The following VAV3 variants were observed in gnomAD, a reference collection of about 807,000 sequenced individuals.
The protein encoded by VAV3 is guanine nucleotide exchange factor VAV3.
A neutral mutation model predicts 131.2 loss-of-function variants in VAV3; 94 were observed. That is an observed-to-expected ratio of 0.72 (90% CI 0.61 to 0.85). The LOEUF (loss-of-function observed/expected upper bound fraction) is 0.85. Among genes scored for constraint, VAV3 ranks in the 40% least tolerant of loss-of-function variants. VAV3 has a pLI of 0.00. For missense variants in VAV3, 939 were observed against 1,002.7 expected, an observed-to-expected ratio of 0.94 and a Z score of 0.86; for synonymous variants, 349 against 342.0, an observed-to-expected ratio of 1.02 and a Z score of -0.22.
At chr1:107,935,821 T>A (rs547315751) in intron 1 of VAV3, among the ~76,000 whole-genome samples, 87 of 152,226 alleles carry the variant, frequency 5.7e-4, no homozygotes, top group African/African-American at 2.1e-3. Flanking sequence ...AAGGGAAAGG[T>A]GTTCCTATTA....
At chr1:107,779,366 TA>T in intron 3 of VAV3, 67 bp downstream of exon 3, 1 of 1,399,454 alleles carries the variant, frequency 7.1e-7, no homozygotes, top group Non-Finnish European at 9.7e-7. Context: ...TCACAAATAG[TA>T]ACCATTTAAT....
intron 1 of VAV3, among the ~76,000 whole-genome samples, chr1:107,937,428 T>C (rs553139075): frequency 5.7e-4 from 87 of 152,336 alleles, no homozygotes; most frequent in African/African-American, 1.9e-3. Flanking sequence ...AATACCAGTA[T>C]GTCATTTCCT....
intron 2 of VAV3, among the ~76,000 whole-genome samples, chr1:107,835,773 T>A (rs1332332267): frequency 6.6e-6 from 1 of 152,190 alleles, no homozygotes; most frequent in African/African-American, 2.4e-5. Flanking sequence ...ATCACTGCTC[T>A]GCCCAAAGAT....
At chr1:107,796,648 A>G (rs1666560583) in intron 2 of VAV3, among the ~76,000 whole-genome samples, 2 of 152,196 alleles carry the variant, frequency 1.3e-5, no homozygotes, top group South Asian at 2.1e-4. Flanking sequence ...ATAAGGATCA[A>G]ATATTTGTAA....
At chr1:107,631,705 C>T (rs904455655) in intron 20 of VAV3, among the ~76,000 whole-genome samples, 1 of 145,170 alleles carries the variant, frequency 6.9e-6, no homozygotes, top group African/African-American at 2.6e-5. Context: ...TCAATTCCCA[C>T]CTATGAGTGA....
At chr1:107,586,372 G>A (rs563112728) in intron 25 of VAV3, among the ~76,000 whole-genome samples, 1 of 152,236 alleles carries the variant, frequency 6.6e-6, no homozygotes, top group South Asian at 2.1e-4. Context: ...ATGAATGTGG[G>A]GAACTATGGA....
chr1:107,789,987 G>C (rs1265480317), intron 2 of VAV3, among the ~76,000 whole-genome samples: 1 of 152,138 alleles, frequency 6.6e-6, no homozygotes, highest in Non-Finnish European at 1.5e-5. Context: ...AAACCCTTCA[G>C]AGCACCCAGA....
chr1:107,675,101 T>G (rs1041035731), intron 19 of VAV3, among the ~76,000 whole-genome samples: 1 of 152,216 alleles, frequency 6.6e-6, no homozygotes, highest in African/African-American at 2.4e-5. Context: ...TAAGAAACCC[T>G]GAAGCACAGA....
At chr1:107,647,646 A>T (rs1217980631) in intron 19 of VAV3, among the ~76,000 whole-genome samples, 2 of 151,950 alleles carry the variant, frequency 1.3e-5, no homozygotes, top group Admixed American at 1.3e-4. Flanking sequence ...AAACATGTAC[A>T]TTATTTTTTC....
intron 1 of VAV3, among the ~76,000 whole-genome samples, chr1:107,884,401 A>G (rs1044532046): frequency 8.7e-6 from 1 of 114,914 alleles, no homozygotes; most frequent in Non-Finnish European, 1.7e-5. Flanking sequence ...TTAAAAATAA[A>G]TTATTTATTA....
chr1:107,840,904 A>G (rs763437602), intron 2 of VAV3, among the ~76,000 whole-genome samples: 3 of 150,474 alleles, frequency 2.0e-5, no homozygotes, highest in African/African-American at 7.3e-5. Flanking sequence ...AGGGATCAAC[A>G]TGTTCAGAGA....
intron 2 of VAV3, among the ~76,000 whole-genome samples, chr1:107,855,380 G>A (rs575872820): frequency 3.0e-4 from 46 of 152,174 alleles, no homozygotes; most frequent in African/African-American, 7.7e-4. Flanking sequence ...GGATTCAAGC[G>A]ATCCTCCCAC....
At chr1:107,639,327 G>A (rs1256538810) in intron 20 of VAV3, among the ~76,000 whole-genome samples, 1 of 151,844 alleles carries the variant, frequency 6.6e-6, no homozygotes, top group East Asian at 1.9e-4. Flanking sequence ...TTAACAAACT[G>A]GACTACATCA....
At chr1:107,612,726 C>A (rs1389326763) in intron 21 of VAV3, among the ~76,000 whole-genome samples, 2 of 152,106 alleles carry the variant, frequency 1.3e-5, no homozygotes, top group African/African-American at 4.8e-5. Flanking sequence ...AAGAACCTGG[C>A]TTTCCTTAAA....
chr1:107,831,433 T>C (rs1168117614), intron 2 of VAV3, among the ~76,000 whole-genome samples: 1 of 152,118 alleles, frequency 6.6e-6, no homozygotes, highest in Non-Finnish European at 1.5e-5. Flanking sequence ...TACAGGCAAA[T>C]TCAAATAAGT....
At chr1:107,943,860 G>C (rs996608941) in intron 1 of VAV3, among the ~76,000 whole-genome samples, 3 of 152,172 alleles carry the variant, frequency 2.0e-5, no homozygotes, top group Non-Finnish European at 4.4e-5. Flanking sequence ...GACTAAAAAT[G>C]TCAAACCCCT....
intron 15 of VAV3, among the ~76,000 whole-genome samples, chr1:107,709,364 T>C (rs1660639840): frequency 6.6e-6 from 1 of 152,184 alleles, no homozygotes. Context: ...TTTCAAAAGC[T>C]GCCTTTTGCC....
At chr1:107,811,716 G>A (rs956743392) in intron 2 of VAV3, among the ~76,000 whole-genome samples, 2 of 152,096 alleles carry the variant, frequency 1.3e-5, no homozygotes, top group Non-Finnish European at 2.9e-5. Flanking sequence ...AACAGTTCAT[G>A]CTTTTAATAT....
intron 2 of VAV3, among the ~76,000 whole-genome samples, chr1:107,854,672 G>A (rs879584287): frequency 3.3e-5 from 5 of 152,002 alleles, no homozygotes; most frequent in Admixed American, 2.0e-4. Context: ...TTTCCTGCTC[G>A]ACCACTTTTG....
Sources: allele counts gnomAD v4.1 joint callset (sites outside exome capture counted in the v4.1 genomes callset), GRCh38; gene constraint gnomAD v4.1.1; transcripts MANE v1.5; gene names NCBI Gene and HGNC (gene_info 2026-07-23, HGNC 2026-07-21).